Variants in AK5 observed in about 807,000 individuals in gnomAD.
The protein encoded by AK5 is adenylate kinase isoenzyme 5.
Under a neutral mutation model 69.5 loss-of-function variants are expected in AK5, and 27 were observed. The ratio of observed to expected loss-of-function variants is 0.39; its 90% CI spans 0.29 to 0.54. The LOEUF is 0.54. AK5 is among the 20% of genes least tolerant of loss of function. AK5 has a pLI of 0.71. For synonymous variants in AK5, 260 were observed against 244.4 expected (o/e 1.06, Z -0.60); for missense variants, 531 against 700.4 (o/e 0.76, Z 2.73).
At chr1:77,524,950 C>A (rs1442310064) in intron 12 of AK5, among the ~76,000 whole-genome samples, 2 of 152,200 alleles carry the variant, frequency 1.3e-5, no homozygotes, top group Non-Finnish European at 2.9e-5. Context: ...GTCTGTCGCC[C>A]AGGCTGGAGT....
chr1:77,327,843 G>A (rs1660884878), intron 5 of AK5, among the ~76,000 whole-genome samples: 1 of 152,082 alleles, frequency 6.6e-6, no homozygotes. Context: ...GACAGTTCAG[G>A]CTCATTAGCT....
intron 6 of AK5, among the ~76,000 whole-genome samples, chr1:77,388,801 A>G (rs990228755): frequency 1.3e-5 from 2 of 152,136 alleles, no homozygotes; most frequent in African/African-American, 4.8e-5. Context: ...CTTGGCCAAA[A>G]GGAGAATAAG....
chr1:77,505,563 A>G (rs1284721558), intron 10 of AK5, among the ~76,000 whole-genome samples: 2 of 152,158 alleles, frequency 1.3e-5, no homozygotes, highest in African/African-American at 4.8e-5. Flanking sequence ...GTGGAGAAAA[A>G]AAGTATTTCT....
intron 6 of AK5, among the ~76,000 whole-genome samples, chr1:77,402,981 T>C (rs1203043743): frequency 6.6e-5 from 10 of 152,072 alleles, no homozygotes; most frequent in East Asian, 5.8e-4. Flanking sequence ...TTTTAATGAT[T>C]GCCATTCTAA....
chr1:77,501,962 A>G (rs1445431823), intron 10 of AK5, among the ~76,000 whole-genome samples: 1 of 152,162 alleles, frequency 6.6e-6, no homozygotes, highest in Non-Finnish European at 1.5e-5. Context: ...TAATTCCCTA[A>G]TCAAGTCAAG....
In AK5 at chr1:77,373,655, G is replaced by C. The variant is rs1300772649; in HGVS notation, c.891+33087G>C. On this transcript the variant is annotated intron_variant, in intron 6 of 13. Transcript: ENST00000354567. The stretch of plus-strand genomic sequence containing the variant: ...GCAGAACAATCGCTTGAACCCGGGA[G>C]GTGGAGGTTGCAGTGAGCCGAGATC... Among the ~76,000 whole-genome samples the C allele has an allele frequency of 2.6e-5, 4 of 151,940 alleles. No homozygotes were observed. In the South Asian group the frequency reaches 8.3e-4, roughly 32 times the overall value.
At chr1:77,352,208 G>A (rs577008406) in intron 6 of AK5, among the ~76,000 whole-genome samples, 1 of 152,264 alleles carries the variant, frequency 6.6e-6, no homozygotes, top group East Asian at 1.9e-4. Flanking sequence ...AATTAAAGGT[G>A]TGAGCCACCA....
chr1:77,391,503 A>G (rs1306924269), intron 6 of AK5, among the ~76,000 whole-genome samples: 918 of 66,082 alleles, frequency 0.014, 20 homozygotes, highest in South Asian at 0.046. Context: ...GTGTATATAT[A>G]TATATATATA....
At position 77,381,582 on chromosome 1, in the gene AK5, C is replaced by A. The variant is rs150160153; in HGVS notation, c.892-29399C>A. Among the ~76,000 whole-genome samples the A allele has an allele frequency of 3.4e-3, 523 of 152,238 alleles. 6 individuals are homozygous for A. Among genetic ancestry groups the A allele is most frequent in the African/African-American group, 0.012 (497 of 41,538 alleles). Reference sequence around the variant, plus strand: ...AGACAGACATGCAAACAAGCAGTAGCAAAATATTACTTTACTAAGTGCTCA... The same window carrying A: ...AGACAGACATGCAAACAAGCAGTAGAAAAATATTACTTTACTAAGTGCTCA... On this transcript the variant is annotated intron_variant, in intron 6 of 13. Coordinates refer to ENST00000354567, the MANE Select transcript of AK5 (RefSeq NM_174858.3).
At chr1:77,283,600 C>T (rs767374900) in intron 1 of AK5, 179 of 985,422 alleles carry the variant, frequency 1.8e-4, no homozygotes, top group Admixed American at 3.1e-4. Flanking sequence ...CATCTGAAGT[C>T]AAGATTTCCA....
chr1:77,458,166 T>C (rs1245768930), intron 8 of AK5, among the ~76,000 whole-genome samples: 1 of 151,112 alleles, frequency 6.6e-6, no homozygotes, highest in Admixed American at 6.6e-5. Flanking sequence ...TTCTGGAGGC[T>C]CTAGGGGAAA....
chr1:77,541,675 G>C (rs540243412), intron 13 of AK5, among the ~76,000 whole-genome samples: 1 of 152,294 alleles, frequency 6.6e-6, no homozygotes, highest in South Asian at 2.1e-4. Context: ...AGGCGTGTGG[G>C]ATCAGGCCTA....
intron 6 of AK5, among the ~76,000 whole-genome samples, chr1:77,367,829 AAT>A (rs375312470): frequency 7.7e-5 from 1 of 13,062 alleles, no homozygotes; most frequent in Non-Finnish European, 1.3e-4. Context: ...TATTATATAT[AAT>A]ATATGTTATA....
chr1:77,441,731 T>C (rs762605997), intron 8 of AK5, among the ~76,000 whole-genome samples: 9 of 152,230 alleles, frequency 5.9e-5, no homozygotes, highest in Admixed American at 1.3e-4. Flanking sequence ...TCCTTCTTGA[T>C]GTCAGGTCTG....
chr1:77,369,038 C>A (rs950139629), intron 6 of AK5, among the ~76,000 whole-genome samples: 1 of 151,948 alleles, frequency 6.6e-6, no homozygotes, highest in Admixed American at 6.6e-5. Context: ...GATCTATTCA[C>A]CATAAATTAT....
chr1:77,506,796 C>T (rs61777064), intron 10 of AK5, among the ~76,000 whole-genome samples: 4,675 of 152,186 alleles, frequency 0.031, 65 homozygotes, highest in Middle Eastern at 0.078. Context: ...GCCAGGAGTT[C>T]GAAACCAGCC....
intron 13 of AK5, among the ~76,000 whole-genome samples, chr1:77,541,426 A>G (rs1376177008): frequency 6.6e-6 from 1 of 152,206 alleles, no homozygotes; most frequent in African/African-American, 2.4e-5. Flanking sequence ...AAAAAGAAAA[A>G]AGAAACAAAG....
intron 13 of AK5, among the ~76,000 whole-genome samples, chr1:77,548,561 C>G (rs1381042506): frequency 6.6e-6 from 1 of 152,160 alleles, no homozygotes; most frequent in Non-Finnish European, 1.5e-5. Context: ...GCTGTAACAG[C>G]TTGGCTTTGT....
chr1:77,382,774 A>C (rs1020623678), intron 6 of AK5, among the ~76,000 whole-genome samples: 1 of 152,254 alleles, frequency 6.6e-6, no homozygotes, highest in African/African-American at 2.4e-5. Context: ...TAACATGGAT[A>C]CTAAGCACTG....
Sources: gnomAD v4.1 joint callset for allele counts (sites outside exome capture counted in the v4.1 genomes callset) on GRCh38, gnomAD v4.1.1 for gene constraint, MANE v1.5 for transcripts, NCBI Gene and HGNC (gene_info 2026-07-23, HGNC 2026-07-21) for gene names.